Variants in CATIP observed in about 807,000 individuals in gnomAD.
CATIP encodes the protein ciliogenesis-associated TTC17-interacting protein.
In CATIP, 40 loss-of-function variants were observed where a neutral mutation model predicts 42.5. The ratio of observed to expected loss-of-function variants is 0.94; its 90% CI spans 0.73 to 1.22. The LOEUF (loss-of-function observed/expected upper bound fraction) is 1.22. Ranked by LOEUF, CATIP falls within the 50% of genes most tolerant of loss-of-function variation. The pLI is 0.00. For synonymous variants in CATIP, 222 were observed against 200.2 expected (o/e 1.11, Z -0.92); for missense variants, 489 against 496.0 (o/e 0.99, Z 0.13).
At chr2:218,360,446 G>C (rs944038023) in intron 4 of CATIP, 127 bp from the exon 5 acceptor site, 5 of 699,818 alleles carry the variant, frequency 7.1e-6, no homozygotes, top group Non-Finnish European at 1.2e-5. Flanking sequence ...CACTGTGCCC[G>C]GCCCGGCTGC....
chr2:218,367,579 T>C, intron 9 of CATIP, 61 bp downstream of exon 9: 5 of 1,603,470 alleles, frequency 3.1e-6, no homozygotes, highest in Non-Finnish European at 4.3e-6. Flanking sequence ...AATTCATTAC[T>C]GATCTCTGCA....
At chr2:218,365,474 G>A (rs1026984429) in intron 7 of CATIP, 1 of 141,494 alleles carries the variant, frequency 7.1e-6, no homozygotes, top group Non-Finnish European at 1.5e-5. Flanking sequence ...CTGTTTTTTT[G>A]TTTTGTTTTG....
At chr2:218,361,048 C>T (rs1695215268) in intron 5 of CATIP, among the ~76,000 whole-genome samples, 1 of 151,944 alleles carries the variant, frequency 6.6e-6, no homozygotes, top group Non-Finnish European at 1.5e-5. Context: ...CCAGGCTGGT[C>T]TCAAACTCCC....
At position 218,364,689 on chromosome 2, in the gene CATIP, A is replaced by G. The variant is rs764022303; in HGVS notation, c.692A>G (p.Glu231Gly). ...CAGCAGGCTGAAGTCTTCATCGTGG[A>G]GCAGACTGTCCACGCGGAGGAGGGC... ...DHQQAEVFIV[E>G]QTVHAEEGIP... The change falls in exon 7 of 10, where the codon GAG becomes GGG. Residue 231 changes from glutamate (E) to glycine (G), a missense_variant. By Grantham distance (98) the Glu-to-Gly change is moderately conservative (BLOSUM62 -2). Transcript: ENST00000289388. 4 of 1,614,052 alleles carry G rather than the reference A, an allele frequency of 2.5e-6. No homozygotes were observed. The South Asian group carries it at 4.4e-5, about 18-fold the overall frequency.
Position 218,367,821 on chromosome 2 carries a change from G to A in CATIP, c.1021G>A (p.Glu341Lys). Reference protein sequence around the residue: ...FLLFLLLRQPEDVVTFAAEFF... With the variant: ...FLLFLLLRQPKDVVTFAAEFF... The stretch of plus-strand genomic sequence containing the variant: ...GCTCTTCCTGCTGCTGCGCCAGCCG[G>A]AGGACGTGGTCACCTTCGCCGCCGA... Residue 341 changes from glutamate (E) to lysine (K), a missense_variant, in exon 10 of 10, where the codon GAG becomes AAG. Coordinates refer to ENST00000289388, the MANE Select transcript of CATIP (RefSeq NM_198559.2). 6.2e-7 allele frequency: 1 copy of A among 1,613,108 alleles called. No individual in the cohort carries two copies.
rs1695096546 is a variant in CATIP at position 218,358,029 on chromosome 2, C to T, written c.320-8C>T. 1 of 1,612,982 alleles carries T rather than the reference C, an allele frequency of 6.2e-7. No homozygotes were observed. Among genetic ancestry groups the T allele is most frequent in the Middle Eastern group, 1.7e-4 (1 of 6,058 alleles). ...TGTGACGTCAATGCCTGTGTCCCTG[C>T]ACCCCAGGCTATCTCTCAGAGAAGC... On this transcript the variant is annotated splice_polypyrimidine_tract_variant and splice_region_variant and intron_variant, in intron 3 of 9. Transcript: ENST00000289388.
At chr2:218,359,840 T>A (rs886535390) in intron 4 of CATIP, among the ~76,000 whole-genome samples, 2 of 152,034 alleles carry the variant, frequency 1.3e-5, no homozygotes, top group South Asian at 2.1e-4. Flanking sequence ...TATTATTATT[T>A]TTGAGACAGA....
chr2:218,358,889 A>AG (rs1695134540), intron 4 of CATIP, among the ~76,000 whole-genome samples: 1 of 150,798 alleles, frequency 6.6e-6, no homozygotes, highest in African/African-American at 2.4e-5. Context: ...GTCTCAAAAA[A>AG]AAAAAAAAAA....
At chr2:218,362,620 C>G in intron 5 of CATIP, 115 bp from the exon 6 acceptor site, 1 of 1,040,490 alleles carries the variant, frequency 9.6e-7, no homozygotes, top group Non-Finnish European at 1.4e-6. Flanking sequence ...TGACAAAAAG[C>G]GAAACTCTGT....
intron 7 of CATIP, chr2:218,365,824 T>A (rs4674298): frequency 0.5 from 74,435 of 147,426 alleles, 20,318 homozygotes; most frequent in East Asian, 0.68. Context: ...TCTCTCTCTC[T>A]GTCTCTTTCT....
Position 218,357,724 on chromosome 2 carries a change from T to C in CATIP, c.309T>C (p.Asn103=), listed in dbSNP as rs1326034657. Residue 103 remains asparagine (N), a synonymous_variant, in exon 3 of 10, where the codon AAT becomes AAC. Transcript: ENST00000289388. The part of the protein sequence containing the change: ...RGFLDKMLCG[N]SLLGYLSEKL... ...TCTTGGACAAAATGCTCTGCGGAAA[T>C]TCCCTCCTGGGTAGCGTTCCTACTG... The C allele has an allele frequency of 1.9e-6, 3 of 1,613,186 alleles. No homozygotes were observed. Among genetic ancestry groups the C allele is most frequent in the Middle Eastern group, 1.7e-4 (1 of 5,972 alleles).
chr2:218,364,553 G>A lies in CATIP; in HGVS notation c.631-75G>A. 5.7e-6 allele frequency: 9 copies of A among 1,571,590 alleles called. No individual in the cohort carries two copies. The South Asian group carries it at 1.1e-4, about 18-fold the overall frequency. On this transcript the variant is annotated intron_variant, in intron 6 of 9. Transcript: ENST00000289388. Reference sequence around the variant, plus strand: ...GAGGTTGTTATGAGATGGAGAAAAGGCTAAGGTAAGATGATGGGGAGCCCT... The same window carrying A: ...GAGGTTGTTATGAGATGGAGAAAAGACTAAGGTAAGATGATGGGGAGCCCT...
At chr2:218,367,177 G>C in intron 8 of CATIP, 77 bp downstream of exon 8, 1 of 1,136,144 alleles carries the variant, frequency 8.8e-7, no homozygotes, top group Non-Finnish European at 1.3e-6. Flanking sequence ...AGGATGCAGG[G>C]GGCTGGACCC....
chr2:218,359,599 G>A (rs1695163729), intron 4 of CATIP, among the ~76,000 whole-genome samples: 2 of 152,078 alleles, frequency 1.3e-5, no homozygotes, highest in Admixed American at 6.6e-5. Context: ...CAGGCTGGAG[G>A]AGGGCTGGTG....
chr2:218,359,341 CAAAAA>C (rs140677940), intron 4 of CATIP, among the ~76,000 whole-genome samples: 1 of 79,698 alleles, frequency 1.3e-5, no homozygotes, highest in Non-Finnish European at 2.4e-5. Context: ...GACTCTGTCT[CAAAAA>C]AAAAAAAAAA....
Position 218,357,085 on chromosome 2 carries a change from C to A in CATIP, c.26-10C>A. The A allele has an allele frequency of 1.2e-6, 2 of 1,607,506 alleles. No homozygotes were observed. The highest frequency in any genetic ancestry group is 2.2e-5 in the South Asian group (2 of 90,704). ...AGGGTCTGCCATCTTAGCCTCTCAT[C>A]CCTCTGTAGGCTCCAGAGCTAAGGA... is the stretch of plus-strand genomic sequence containing the variant. On this transcript the variant is annotated splice_polypyrimidine_tract_variant and intron_variant, in intron 1 of 9. Coordinates refer to ENST00000289388, the MANE Select transcript of CATIP (RefSeq NM_198559.2).
At chr2:218,361,901 C>T (rs1338419736) in intron 5 of CATIP, among the ~76,000 whole-genome samples, 3 of 152,016 alleles carry the variant, frequency 2.0e-5, no homozygotes, top group East Asian at 1.9e-4. Flanking sequence ...TTAGGCTGGG[C>T]GCGGTGGCTC....
At chr2:218,363,924 TTTTG>T in intron 6 of CATIP, among the ~76,000 whole-genome samples, 1 of 152,232 alleles carries the variant, frequency 6.6e-6, no homozygotes, top group East Asian at 1.9e-4. Flanking sequence ...TCCGTTTTTG[TTTTG>T]TTTTTTGTTT....
Position 218,367,540 on chromosome 2 carries a change from C to T in CATIP, c.921+22C>T. 3.1e-6 allele frequency: 5 copies of T among 1,612,286 alleles called. No homozygotes were observed. In the South Asian group the frequency reaches 4.4e-5, roughly 14 times the overall value. Reference sequence around the variant, plus strand: ...GAAGGTGAGGGGAGGCTCCACCAGCCTGGGGTTCCCATTCCCCCATGGGCC... The same window carrying T: ...GAAGGTGAGGGGAGGCTCCACCAGCTTGGGGTTCCCATTCCCCCATGGGCC... On this transcript the variant is annotated intron_variant, in intron 9 of 9. Transcript: ENST00000289388.
Sources: gnomAD v4.1 joint callset for allele counts (sites outside exome capture counted in the v4.1 genomes callset) on GRCh38, gnomAD v4.1.1 for gene constraint, MANE v1.5 for transcripts, NCBI Gene and HGNC (gene_info 2026-07-23, HGNC 2026-07-21) for gene names.